TRIM55: variants seen among roughly 807,000 people sequenced by gnomAD.
The protein encoded by TRIM55 is tripartite motif-containing protein 55.
Under a neutral mutation model 60.9 loss-of-function variants are expected in TRIM55, and 50 were observed. That is an observed-to-expected ratio of 0.82 (90% CI 0.65 to 1.04). The LOEUF is 1.04. Among genes scored for constraint, TRIM55 ranks in the 50% least tolerant of loss-of-function variants. The pLI is 0.00. For synonymous variants in TRIM55, 237 were observed against 238.1 expected, an observed-to-expected ratio of 1.00 and a Z score of 0.04; for missense variants, 681 against 666.9, an observed-to-expected ratio of 1.02 and a Z score of -0.23.
chr8:66,159,526 A>G (rs920749822), intron 9 of TRIM55, among the ~76,000 whole-genome samples: 1 of 152,220 alleles, frequency 6.6e-6, no homozygotes, highest in Admixed American at 6.5e-5. Flanking sequence ...GTGTGAATAC[A>G]TGTTTTCATC....
intron 3 of TRIM55, 67 bp downstream of exon 3, chr8:66,135,222 C>A: frequency 6.4e-7 from 1 of 1,564,824 alleles, no homozygotes; most frequent in Non-Finnish European, 8.8e-7. Context: ...CTTCCTGGGG[C>A]CAGTGTGAGT....
chr8:66,149,016 T>G (rs903260505), intron 4 of TRIM55, among the ~76,000 whole-genome samples: 6 of 152,166 alleles, frequency 3.9e-5, no homozygotes, highest in Admixed American at 2.6e-4. Flanking sequence ...ACCACTGTAC[T>G]CTAGCGTGGG....
In TRIM55 at chr8:66,128,372, A is replaced by G. The variant is rs777856332; in HGVS notation, c.237A>G (p.Pro79=). The part of the protein sequence containing the change: ...TMASGGRFRC[P]SCRHEVVLDR... ...CATCAGGGGGCCGATTCCGCTGCCC[A>G]TCCTGTAGACATGAAGTGGTTTTGG... Residue 79 remains proline (P), a synonymous_variant, in exon 2 of 10, where the codon CCA becomes CCG. Transcript: ENST00000315962. The G allele has an allele frequency of 2.5e-6, 4 of 1,613,726 alleles. No individual in the cohort carries two copies. The highest frequency in any genetic ancestry group is 1.7e-5 in the Admixed American group (1 of 59,986).
chr8:66,174,380 A>T, intron 9 of TRIM55, 91 bp from the exon 10 acceptor site: 1 of 1,044,914 alleles, frequency 9.6e-7, no homozygotes, highest in Non-Finnish European at 1.3e-6. Context: ...TGTTATTATT[A>T]TTATACTTTC....
At chr8:66,123,964 G>A (rs1808726270), upstream of TRIM55, among the ~76,000 whole-genome samples, 2 of 151,990 alleles carry the variant, frequency 1.3e-5, no homozygotes, top group Non-Finnish European at 2.9e-5. Context: ...AATCCTCCTA[G>A]GTGAAGTCAC....
the TRIM55 span, among the ~76,000 whole-genome samples, chr8:66,119,473 A>G: frequency 2.7e-4 from 41 of 152,208 alleles, no homozygotes; most frequent in Non-Finnish European, 4.9e-4. Flanking sequence ...TGGACTTGCA[A>G]TTACCTGCAC....
chr8:66,116,771 C>T, the TRIM55 span, among the ~76,000 whole-genome samples: 1 of 100,602 alleles, frequency 9.9e-6, no homozygotes, highest in Non-Finnish European at 1.8e-5. Context: ...ACAAATTTTT[C>T]CAAAAAAACT....
Position 66,150,207 on chromosome 8 carries a change from G to C in TRIM55, c.838-10G>C, listed in dbSNP as rs1267047007. The C allele has an allele frequency of 1.1e-5, 17 of 1,612,000 alleles. No homozygotes were observed. Among genetic ancestry groups the C allele is most frequent in the Non-Finnish European group, 1.4e-5 (17 of 1,179,028 alleles). On this transcript the variant is annotated splice_polypyrimidine_tract_variant and intron_variant, in intron 5 of 9. Transcript: ENST00000315962. ...ATTTAAGTAAGACTATCTTTTGTTT[G>C]CTTTCACAGAATGCCAAAACCCTGC...
chr8:66,155,810 G>A, intron 9 of TRIM55: 3 of 825,000 alleles, frequency 3.6e-6, no homozygotes, highest in Non-Finnish European at 5.8e-6. Context: ...CCCAAATCTT[G>A]AGGCTCAGTC....
chr8:66,157,644 C>T (rs1214435012), intron 9 of TRIM55, among the ~76,000 whole-genome samples: 1 of 152,192 alleles, frequency 6.6e-6, no homozygotes, highest in Non-Finnish European at 1.5e-5. Flanking sequence ...TCAGAAGCAT[C>T]TCAGGCTCAC....
At chr8:66,161,755 G>GTTT (rs34655404) in intron 9 of TRIM55, among the ~76,000 whole-genome samples, 1,647 of 132,098 alleles carry the variant, frequency 0.012, 53 homozygotes, top group African/African-American at 0.044. Context: ...TATTCCTAAG[G>GTTT]TTTTTTTTTT....
chr8:66,132,823 A>G (rs1263015093), intron 2 of TRIM55, among the ~76,000 whole-genome samples: 3 of 152,214 alleles, frequency 2.0e-5, no homozygotes, highest in Non-Finnish European at 2.9e-5. Context: ...GAAAAACCCA[A>G]TGAGGAATAT....
intron 4 of TRIM55, among the ~76,000 whole-genome samples, chr8:66,146,446 C>T (rs902379406): frequency 2.0e-5 from 3 of 152,178 alleles, no homozygotes; most frequent in Non-Finnish European, 4.4e-5. Context: ...ACATGCTTCA[C>T]ATCTGTCTCA....
In TRIM55 at chr8:66,152,604, G is replaced by A; in HGVS notation, c.1213G>A (p.Ala405Thr). ...SPEPPPALPP[A>T]ADAPVTQGEV... ...AGAGCCACCTCCAGCCCTGCCACCT[G>A]CTGCGGATGCCCCTGTGACACAGGT... is the stretch of plus-strand genomic sequence containing the variant. The change falls in exon 8 of 10, where the codon GCT becomes ACT. Residue 405 changes from alanine (A) to threonine (T), a missense_variant. Transcript: ENST00000315962. 1 of 1,614,058 alleles carries A rather than the reference G, an allele frequency of 6.2e-7. No individual in the cohort carries two copies. The highest frequency in any genetic ancestry group is 8.5e-7 in the Non-Finnish European group (1 of 1,179,988).
chr8:66,114,165 A>G, the TRIM55 span, among the ~76,000 whole-genome samples: 1 of 148,736 alleles, frequency 6.7e-6, no homozygotes, highest in East Asian at 2.1e-4. Context: ...CTAAAGGAAC[A>G]GATAATAAGC....
At chr8:66,136,861 C>T (rs1809507458) in intron 3 of TRIM55, among the ~76,000 whole-genome samples, 1 of 152,186 alleles carries the variant, frequency 6.6e-6, no homozygotes. Context: ...TTAGCTTGAA[C>T]ATGTTGATCT....
chr8:66,169,933 A>T (rs1189276824), intron 9 of TRIM55, among the ~76,000 whole-genome samples: 1 of 152,152 alleles, frequency 6.6e-6, no homozygotes, highest in African/African-American at 2.4e-5. Flanking sequence ...CAGAATATAG[A>T]TTTACCATCT....
rs536989445 is a variant in TRIM55, at chr8:66,128,945, GGAT to G, written c.341+473_341+475del. Among the ~76,000 whole-genome samples, 46 of 152,180 alleles carry G rather than the reference GGAT, an allele frequency of 3.0e-4. 1 individual carries two copies. In the South Asian group the frequency reaches 4.2e-3, roughly 14 times the overall value. On this transcript the variant is annotated intron_variant, in intron 2 of 9. Transcript: ENST00000315962. ...AGACAGTCTTGCCTTAAAATTGTTT[GGAT>G]GATAATAAAAACAAAATCCTCTAAC...
chr8:66,116,930 C>T, the TRIM55 span, among the ~76,000 whole-genome samples: 1 of 152,008 alleles, frequency 6.6e-6, no homozygotes, highest in Non-Finnish European at 1.5e-5. Context: ...TAAGTAAATC[C>T]AACAACATAT....
Sources: gnomAD v4.1 joint callset for allele counts (sites outside exome capture counted in the v4.1 genomes callset) on GRCh38, gnomAD v4.1.1 for gene constraint, MANE v1.5 for transcripts, NCBI Gene and HGNC (gene_info 2026-07-23, HGNC 2026-07-21) for gene names.